ASXL2: variants seen among roughly 807,000 people sequenced by gnomAD.
The protein encoded by ASXL2 is putative Polycomb group protein ASXL2.
Under a neutral mutation model 122.0 loss-of-function variants are expected in ASXL2, and 23 were observed. That is an observed-to-expected ratio of 0.19 (90% confidence interval 0.14 to 0.27). ASXL2 has a LOEUF of 0.27. Ranked by LOEUF, ASXL2 falls within the 10% of genes least tolerant of loss-of-function variation. The probability of loss-of-function intolerance (pLI) is 1.00; values close to 1 mark genes in which losing one functional copy is unlikely to be tolerated. For missense variants in ASXL2, 1,518 were observed against 1,713.8 expected (o/e 0.89, Z 2.02); for synonymous variants, 650 against 637.0 (o/e 1.02, Z -0.31).
chr2:25,745,559 CAAA>C (rs34181748), intron 12 of ASXL2, among the ~76,000 whole-genome samples: 1 of 51,414 alleles, frequency 1.9e-5, no homozygotes. Flanking sequence ...GCCTCCAGCT[CAAA>C]AAAAAAAAAA....
At chr2:25,768,433 A>G (rs2088389657) in intron 7 of ASXL2, among the ~76,000 whole-genome samples, 1 of 152,142 alleles carries the variant, frequency 6.6e-6, no homozygotes, top group Admixed American at 6.5e-5. Context: ...CTTCCCGAGT[A>G]GCTGGGGCTA....
intron 3 of ASXL2, among the ~76,000 whole-genome samples, chr2:25,816,400 T>C (rs115641595): frequency 0.033 from 4,974 of 152,268 alleles, 134 homozygotes; most frequent in African/African-American, 0.073. Flanking sequence ...TTACAGTAAG[T>C]GAAATATATT....
intron 3 of ASXL2, among the ~76,000 whole-genome samples, chr2:25,820,441 C>A (rs567804730): frequency 2.6e-5 from 4 of 152,198 alleles, no homozygotes; most frequent in East Asian, 3.9e-4. Context: ...AAAGTCTATA[C>A]AACAATTTGG....
intron 1 of ASXL2, among the ~76,000 whole-genome samples, chr2:25,858,646 C>G (rs1454846222): frequency 6.6e-6 from 1 of 150,472 alleles, no homozygotes; most frequent in East Asian, 2.0e-4. Flanking sequence ...TTGCTTGAAC[C>G]CAGGAGGCGG....
chr2:25,824,894 T>A (rs2089358198), intron 3 of ASXL2, among the ~76,000 whole-genome samples: 1 of 152,234 alleles, frequency 6.6e-6, no homozygotes, highest in Admixed American at 6.5e-5. Flanking sequence ...CACATGTAAA[T>A]GAAGTCCAGA....
At position 25,803,993 on chromosome 2, in the gene ASXL2, T is replaced by TC. The variant is rs397951053; in HGVS notation, c.252+2235dup. On this transcript the variant is annotated intron_variant, in intron 4 of 12. Transcript: ENST00000435504. ...TAGGGAAAACACTTTGGTTTTTTTT[T>TC]CCCCCCAATCTCTACAATAGAATAG... Among the ~76,000 whole-genome samples, 68 of 152,160 alleles carry TC rather than the reference T, an allele frequency of 4.5e-4. 1 individual carries two copies. The highest frequency in any genetic ancestry group is 8.8e-5 in the Non-Finnish European group (6 of 68,010).
At chr2:25,789,091 T>C (rs1001165890) in intron 5 of ASXL2, among the ~76,000 whole-genome samples, 1 of 152,180 alleles carries the variant, frequency 6.6e-6, no homozygotes, top group Non-Finnish European at 1.5e-5. Flanking sequence ...CCCATCAACC[T>C]ACTATGATTT....
chr2:25,775,001 C>T (rs1174678123), intron 5 of ASXL2, among the ~76,000 whole-genome samples: 2 of 152,066 alleles, frequency 1.3e-5, no homozygotes, highest in Non-Finnish European at 2.9e-5. Context: ...CCTGTCTTCT[C>T]GTGGTTTTAT....
intron 1 of ASXL2, among the ~76,000 whole-genome samples, chr2:25,862,029 T>A (rs1367884148): frequency 6.6e-6 from 1 of 152,356 alleles, no homozygotes; most frequent in African/African-American, 2.4e-5. Flanking sequence ...TTTAATGTCA[T>A]ATTATTCCTA....
At chr2:25,852,168 A>C (rs551057384) in intron 1 of ASXL2, among the ~76,000 whole-genome samples, 2 of 152,380 alleles carry the variant, frequency 1.3e-5, no homozygotes, top group Non-Finnish European at 2.9e-5. Flanking sequence ...ACTTTAAAGT[A>C]CAATTTTTAG....
At chr2:25,796,220 C>G (rs1040360320) in intron 5 of ASXL2, among the ~76,000 whole-genome samples, 3 of 152,188 alleles carry the variant, frequency 2.0e-5, no homozygotes, top group Admixed American at 1.3e-4. Context: ...AGTAACCATT[C>G]TGAAGGGACT....
At chr2:25,790,601 A>T (rs2088816115) in intron 5 of ASXL2, among the ~76,000 whole-genome samples, 1 of 152,116 alleles carries the variant, frequency 6.6e-6, no homozygotes, top group Non-Finnish European at 1.5e-5. Flanking sequence ...ATCCTACACC[A>T]AGGAAGTATT....
chr2:25,772,338 G>T (rs1310939143), intron 5 of ASXL2, among the ~76,000 whole-genome samples: 1 of 152,124 alleles, frequency 6.6e-6, no homozygotes, highest in Non-Finnish European at 1.5e-5. Context: ...AAGAATGAAT[G>T]TTTACTAAAG....
chr2:25,785,257 G>A (rs1190790533), intron 5 of ASXL2, among the ~76,000 whole-genome samples: 1 of 151,920 alleles, frequency 6.6e-6, no homozygotes, highest in Admixed American at 6.6e-5. Context: ...ACAGAGTCTC[G>A]CTCTGTCTCC....
chr2:25,810,115 G>C, intron 3 of ASXL2: 1 of 552,804 alleles, frequency 1.8e-6, no homozygotes, highest in Middle Eastern at 3.0e-4. Flanking sequence ...TCTCTTCCAC[G>C]TTTGTCTTCT....
chr2:25,797,540 A>G (rs1205656256), intron 5 of ASXL2, among the ~76,000 whole-genome samples: 1 of 152,256 alleles, frequency 6.6e-6, no homozygotes, highest in Non-Finnish European at 1.5e-5. Flanking sequence ...AAGCTCAACA[A>G]TAAGAAAACA....
chr2:25,787,470 T>C lies in ASXL2; in HGVS notation c.403+11915A>G, dbSNP rs2088766689. On this transcript the variant is annotated intron_variant, in intron 5 of 12. Coordinates refer to ENST00000435504, the MANE Select transcript of ASXL2 (RefSeq NM_018263.6). ...GCTTACTCTATCATGGGTAATACAG[T>C]ACTTTTTCTATGACCCAGGATTCTT... Among the ~76,000 whole-genome samples the C allele has an allele frequency of 2.6e-5, 4 of 152,330 alleles. No individual in the cohort carries two copies. The South Asian group carries it at 8.3e-4, about 32-fold the overall frequency.
At chr2:25,745,632 G>A (rs1455839858) in intron 12 of ASXL2, among the ~76,000 whole-genome samples, 2 of 137,034 alleles carry the variant, frequency 1.5e-5, no homozygotes, top group Non-Finnish European at 3.1e-5. Flanking sequence ...TGAAACCATT[G>A]ATTTCCTTCT....
At chr2:25,772,642 A>C (rs1323447451) in intron 5 of ASXL2, among the ~76,000 whole-genome samples, 1 of 148,502 alleles carries the variant, frequency 6.7e-6, no homozygotes, top group African/African-American at 2.5e-5. Context: ...GAGGGAAGAG[A>C]ATCGCTTGAA....
Sources: allele counts gnomAD v4.1 joint callset (sites outside exome capture counted in the v4.1 genomes callset), GRCh38; gene constraint gnomAD v4.1.1; transcripts MANE v1.5; gene names NCBI Gene and HGNC (gene_info 2026-07-23, HGNC 2026-07-21).